The following PCDH15 variants were observed in gnomAD, a reference collection of about 807,000 sequenced individuals.
The protein encoded by PCDH15 is protocadherin related 15, also known as protocadherin-15.
A neutral mutation model predicts 178.5 loss-of-function variants in PCDH15; 129 were observed. The ratio of observed to expected loss-of-function variants is 0.72; its 90% CI spans 0.63 to 0.84. The LOEUF is 0.84. Ranked by LOEUF, PCDH15 falls within the 40% of genes least tolerant of loss-of-function variation. The pLI, the probability that PCDH15 is intolerant of heterozygous loss-of-function variation, is 0.00. For missense variants in PCDH15, 2,230 were observed against 2,099.9 expected (o/e 1.06, Z -1.21); for synonymous variants, 800 against 732.0 (o/e 1.09, Z -1.50).
chr10:55,554,529 C>A (rs1842053900), intron 2 of PCDH15, among the ~76,000 whole-genome samples: 1 of 152,128 alleles, frequency 6.6e-6, no homozygotes, highest in East Asian at 1.9e-4. Flanking sequence ...TGAGTTAGGA[C>A]TGTGCAGGGT....
intron 2 of PCDH15, among the ~76,000 whole-genome samples, chr10:55,606,314 A>T (rs1345296405): frequency 8.1e-6 from 1 of 123,086 alleles, no homozygotes; most frequent in African/African-American, 3.3e-5. Flanking sequence ...GAAAATGGCC[A>T]TACTGCCCAA....
intron 3 of PCDH15, among the ~76,000 whole-genome samples, chr10:54,438,530 C>G (rs909808010): frequency 2.0e-5 from 3 of 152,082 alleles, no homozygotes; most frequent in African/African-American, 4.8e-5. Context: ...GAAGAATAAT[C>G]TGGCATCTTT....
intron 2 of PCDH15, among the ~76,000 whole-genome samples, chr10:55,528,063 T>C (rs1277916037): frequency 6.6e-5 from 10 of 151,830 alleles, no homozygotes; most frequent in Admixed American, 5.3e-4. Flanking sequence ...CTCAGACAAG[T>C]TCTCACTCTG....
intron 2 of PCDH15, among the ~76,000 whole-genome samples, chr10:54,644,362 A>C (rs561131108): frequency 2.2e-3 from 325 of 150,898 alleles, no homozygotes; most frequent in African/African-American, 7.7e-3. Flanking sequence ...AGCTTACTGA[A>C]TATGCTTTTC....
At chr10:54,302,285 T>C (rs17725634) in intron 8 of PCDH15, among the ~76,000 whole-genome samples, 16,431 of 152,206 alleles carry the variant, frequency 0.11, 985 homozygotes, top group African/African-American at 0.14. Flanking sequence ...TCCTTAGATA[T>C]TATGTGTTGT....
At position 54,035,226 on chromosome 10, in the gene PCDH15, C is replaced by T. The variant is rs183927681; in HGVS notation, c.2221-12029G>A. Among the ~76,000 whole-genome samples the T allele has an allele frequency of 3.1e-3, 465 of 151,922 alleles. 2 individuals carry two copies. The highest frequency in any genetic ancestry group is 0.01 in the African/African-American group (424 of 41,506). Reference sequence around the variant, plus strand: ...AGATAAAATAGAAGTGGTAAGTTTACAGGCACACTCTGTTTCATTGCACGT... The same window carrying T: ...AGATAAAATAGAAGTGGTAAGTTTATAGGCACACTCTGTTTCATTGCACGT... On this transcript the variant is annotated intron_variant, in intron 18 of 37. Transcript: ENST00000644397.
intron 37 of PCDH15, 78 bp from the exon 38 acceptor site, chr10:53,807,208 A>AAAAC (rs1262619982): frequency 5.0e-6 from 6 of 1,189,854 alleles, no homozygotes; most frequent in Non-Finnish European, 5.7e-6. Flanking sequence ...TGTGAAATCC[A>AAAAC]AAACAATGAC....
intron 3 of PCDH15, among the ~76,000 whole-genome samples, chr10:54,493,994 C>A (rs1260292110): frequency 6.6e-6 from 1 of 150,680 alleles, no homozygotes; most frequent in East Asian, 2.0e-4. Context: ...GGACAAAAAA[C>A]CAAACACTGC....
intron 3 of PCDH15, among the ~76,000 whole-genome samples, chr10:54,888,297 G>A (rs994116238): frequency 3.3e-5 from 5 of 151,930 alleles, no homozygotes; most frequent in Admixed American, 3.3e-4. Context: ...AGCATGTACT[G>A]TTATTTTTGT....
chr10:53,947,070 T>C (rs7912992), intron 23 of PCDH15, among the ~76,000 whole-genome samples: 102,348 of 152,076 alleles, frequency 0.67, 34,951 homozygotes, highest in East Asian at 0.87. Flanking sequence ...CCACCGCACC[T>C]GGCCCATATA....
chr10:55,612,066 G>A (rs527367650), intron 2 of PCDH15, among the ~76,000 whole-genome samples: 3 of 152,132 alleles, frequency 2.0e-5, no homozygotes, highest in South Asian at 4.1e-4. Flanking sequence ...AATGGTACAA[G>A]GTTCAGCTAG....
intron 3 of PCDH15, among the ~76,000 whole-genome samples, chr10:54,892,186 G>C (rs995875333): frequency 6.6e-6 from 1 of 152,004 alleles, no homozygotes; most frequent in African/African-American, 2.4e-5. Flanking sequence ...TGCACAGCTC[G>C]ATCAATTATA....
intron 8 of PCDH15, among the ~76,000 whole-genome samples, chr10:54,259,011 T>C (rs1259705204): frequency 2.0e-5 from 3 of 152,180 alleles, no homozygotes; most frequent in African/African-American, 7.2e-5. Flanking sequence ...CTTCGAATCT[T>C]ATAAAATATA....
chr10:53,853,521 C>T (rs10825125), intron 28 of PCDH15, among the ~76,000 whole-genome samples: 34,245 of 151,890 alleles, frequency 0.23, 5,381 homozygotes, highest in East Asian at 0.75. Context: ...AATCTTACAT[C>T]TGATAAGGGA....
intron 21 of PCDH15, among the ~76,000 whole-genome samples, chr10:53,963,005 A>G (rs925049487): frequency 5.9e-5 from 9 of 152,234 alleles, no homozygotes; most frequent in African/African-American, 1.9e-4. Context: ...TTACAACATT[A>G]ACTTCTTCAG....
intron 3 of PCDH15, among the ~76,000 whole-genome samples, chr10:54,423,005 A>G (rs1053809183): frequency 2.6e-5 from 4 of 152,154 alleles, no homozygotes; most frequent in African/African-American, 7.2e-5. Context: ...GTTTCACTGT[A>G]TAAGTATTAT....
intron 10 of PCDH15, among the ~76,000 whole-genome samples, chr10:54,198,692 G>T (rs2049933075): frequency 3.1e-5 from 3 of 97,696 alleles, no homozygotes; most frequent in African/African-American, 7.9e-5. Flanking sequence ...TAGTAGAGAC[G>T]GGGTTTCACC....
At chr10:55,076,473 A>T (rs560450687) in intron 2 of PCDH15, among the ~76,000 whole-genome samples, 255 of 146,714 alleles carry the variant, frequency 1.7e-3, no homozygotes, top group Middle Eastern at 0.011. Flanking sequence ...TTTTTTGGAG[A>T]CAGTGTCTCG....
intron 3 of PCDH15, among the ~76,000 whole-genome samples, chr10:54,824,640 C>T (rs1213316386): frequency 6.6e-6 from 1 of 152,132 alleles, no homozygotes; most frequent in Non-Finnish European, 1.5e-5. Context: ...CCTCATTCCC[C>T]TGACCTGGTA....
Sources: allele counts gnomAD v4.1 joint callset (sites outside exome capture counted in the v4.1 genomes callset), GRCh38; gene constraint gnomAD v4.1.1; transcripts MANE v1.5; gene names NCBI Gene and HGNC (gene_info 2026-07-23, HGNC 2026-07-21).